The following ACAT2 variants were observed in gnomAD, a reference collection of about 807,000 sequenced individuals.
The protein encoded by ACAT2 is acetyl-CoA acetyltransferase 2, also known as acetyl-CoA acetyltransferase, cytosolic.
In ACAT2, 26 loss-of-function variants were observed where a neutral mutation model predicts 37.1. The ratio of observed to expected loss-of-function variants is 0.70; its 90% confidence interval spans 0.51 to 0.97. The LOEUF (loss-of-function observed/expected upper bound fraction) is 0.97, where lower values mean the gene tolerates loss of function less well. ACAT2 is among the 50% of genes least tolerant of loss of function. The pLI, the probability that ACAT2 is intolerant of heterozygous loss-of-function variation, is 0.00. For missense variants in ACAT2, 468 were observed against 489.0 expected (o/e 0.96, Z 0.40); for synonymous variants, 156 against 163.6 (o/e 0.95, Z 0.35).
chr6:159,767,587 C>G (rs1054361414), intron 3 of ACAT2, among the ~76,000 whole-genome samples: 2 of 152,138 alleles, frequency 1.3e-5, no homozygotes, highest in Non-Finnish European at 2.9e-5. Context: ...ACTTTTTGAC[C>G]TTTTCAGGGT....
intron 2 of ACAT2, among the ~76,000 whole-genome samples, chr6:159,763,629 C>CTTTTTTTTTTTTTTTT (rs765044833): frequency 5.2e-5 from 4 of 76,406 alleles, no homozygotes; most frequent in Non-Finnish European, 9.4e-5. Flanking sequence ...TTTTCTTTTC[C>CTTTTTTTTTTTTTTTT]TTTTTTTTTT....
intron 5 of ACAT2, 166 bp from the exon 6 acceptor site, chr6:159,775,984 A>G (rs747670889): frequency 2.9e-6 from 2 of 696,208 alleles, no homozygotes; most frequent in Non-Finnish European, 4.7e-6. Context: ...TTCATGTACA[A>G]TAATTCTTGT....
At chr6:159,766,061 G>A (rs540840352) in intron 2 of ACAT2, among the ~76,000 whole-genome samples, 4 of 152,222 alleles carry the variant, frequency 2.6e-5, no homozygotes, top group African/African-American at 9.6e-5. Flanking sequence ...GCTACTTTAA[G>A]TAAATTATGT....
intron 2 of ACAT2, among the ~76,000 whole-genome samples, chr6:159,764,858 G>A (rs969691263): frequency 2.0e-5 from 3 of 152,172 alleles, no homozygotes; most frequent in Non-Finnish European, 2.9e-5. Context: ...ATGAATAAAT[G>A]AGAGTTTAAG....
intron 2 of ACAT2, among the ~76,000 whole-genome samples, chr6:159,765,451 T>TG (rs1395392313): frequency 6.6e-6 from 1 of 150,532 alleles, no homozygotes; most frequent in African/African-American, 2.5e-5. Context: ...TTTTTTGAGA[T>TG]GGAGTCTCAC....
chr6:159,764,296 A>T lies in ACAT2; in HGVS notation c.190+1243A>T, dbSNP rs62437351. On this transcript the variant is annotated intron_variant, in intron 2 of 8. Coordinates refer to ENST00000367048, the MANE Select transcript of ACAT2 (RefSeq NM_005891.3). ...TAAGTTCCCTGCCCTCTTAGGGCTC[A>T]GTTCTGAGCTTGGAAAATAGGTGCC... is the stretch of plus-strand genomic sequence containing the variant. 5.6e-3 allele frequency among the ~76,000 whole-genome samples: 847 copies of T among 152,248 alleles called. 2 individuals are homozygous for T. The highest frequency in any genetic ancestry group is 9.9e-3 in the Admixed American group (152 of 15,296).
At position 159,777,328 on chromosome 6, in the gene ACAT2, G is replaced by A. The variant is rs759175309; in HGVS notation, c.784G>A (p.Val262Ile). The change falls in exon 7 of 9, where the codon GTT (valine) becomes ATT (isoleucine). Residue 262 changes from valine to isoleucine, a missense_variant. By Grantham distance (29) the Val-to-Ile change is conservative. Transcript: ENST00000367048. ...SGINDGAAAV[V>I]LMKKSEADKR... Reference sequence around the variant, plus strand: ...AATAAATGATGGTGCTGCAGCTGTCGTTCTTATGAAGAAGTCAGAAGCTGA... The same window carrying A: ...AATAAATGATGGTGCTGCAGCTGTCATTCTTATGAAGAAGTCAGAAGCTGA... 163 of 1,613,586 alleles carry A rather than the reference G, an allele frequency of 1.0e-4. No individual in the cohort carries two copies. The highest frequency in any genetic ancestry group is 2.3e-4 in the Admixed American group (14 of 59,850).
At chr6:159,762,737 C>G in intron 1 of ACAT2, 182 bp from the exon 2 acceptor site, 19 of 1,555,590 alleles carry the variant, frequency 1.2e-5, no homozygotes, top group Non-Finnish European at 1.6e-5. Context: ...TCGGCTGCTG[C>G]GAGTTGTGGC....
At chr6:159,770,217 T>A (rs1436719586) in intron 4 of ACAT2, among the ~76,000 whole-genome samples, 1 of 152,222 alleles carries the variant, frequency 6.6e-6, no homozygotes, top group East Asian at 1.9e-4. Context: ...CTATGTCCAG[T>A]TATGTAGCAA....
chr6:159,778,421 GTTTAAAAAA>G (rs1562480769), intron 8 of ACAT2, 141 bp downstream of exon 8: 1 of 352,222 alleles, frequency 2.8e-6, no homozygotes, highest in South Asian at 5.0e-5. Flanking sequence ...ACTTCCCAAG[GTTTAAAAAA>G]AAAAAAAAAA....
chr6:159,778,818 C>T lies in ACAT2; in HGVS notation c.1183C>T (p.Gln395Ter). 2 of 1,614,130 alleles carry T rather than the reference C, an allele frequency of 1.2e-6. No homozygotes were observed. Among genetic ancestry groups the T allele is most frequent in the Non-Finnish European group, 1.7e-6 (2 of 1,180,022 alleles). ...TGGGATGGGAATAGCAATGTGTGTT[C>T]AGAGAGAATGAATTGCTTAAACTTT... ...GGGMGIAMCVQRE is the reference protein window; with the variant it reads ...GGGMGIAMCV Residue 395 changes from glutamine to a stop codon, truncating the protein, a stop_gained, in exon 9 of 9, where the codon CAG becomes TAG. Coordinates refer to ENST00000367048, the MANE Select transcript of ACAT2 (RefSeq NM_005891.3). LOFTEE classifies it high-confidence loss of function.
At chr6:159,766,495 AG>A (rs1310961231) in intron 2 of ACAT2, among the ~76,000 whole-genome samples, 1 of 151,528 alleles carries the variant, frequency 6.6e-6, no homozygotes, top group African/African-American at 2.4e-5. Context: ...TCCGCTTCCC[AG>A]GTTCAAGCAA....
In ACAT2 at chr6:159,779,066, G is replaced by A. The variant is rs1583135990; in HGVS notation, c.*237G>A. Reference sequence around the variant, plus strand: ...CAGATCAATCATTAAGGGCTCCAGAGTGAACAGCATCTTCATAACTTCCAT... The same window carrying A: ...CAGATCAATCATTAAGGGCTCCAGAATGAACAGCATCTTCATAACTTCCAT... On this transcript the variant is annotated 3_prime_UTR_variant, in exon 9 of 9. Coordinates refer to ENST00000367048, the MANE Select transcript of ACAT2 (RefSeq NM_005891.3). 6.2e-7 allele frequency: 1 copy of A among 1,613,964 alleles called. No individual in the cohort carries two copies. The highest frequency in any genetic ancestry group is 8.5e-7 in the Non-Finnish European group (1 of 1,179,854).
rs1203709770 is a variant in ACAT2 at position 159,778,786 on chromosome 6, T to C, written c.1151T>C (p.Ile384Thr). The change falls in exon 9 of 9, where the codon ATT (isoleucine) becomes ACT (threonine). Residue 384 changes from isoleucine (I) to threonine (T), a missense_variant. Coordinates refer to ENST00000367048, the MANE Select transcript of ACAT2 (RefSeq NM_005891.3). ...GRSRGVAALCIGGGMGIAMCV... is the reference protein window; with the variant it reads ...GRSRGVAALCTGGGMGIAMCV... ...AGTCGTGGTGTTGCAGCCCTGTGCATTGGGGGTGGGATGGGAATAGCAATG... is the reference window on the plus strand; with the variant it reads ...AGTCGTGGTGTTGCAGCCCTGTGCACTGGGGGTGGGATGGGAATAGCAATG... 6.2e-7 allele frequency: 1 copy of C among 1,614,066 alleles called. No homozygotes were observed. Among genetic ancestry groups the C allele is most frequent in the Non-Finnish European group, 8.5e-7 (1 of 1,180,048 alleles).
At position 159,775,288 on chromosome 6, in the gene ACAT2, A is replaced by G. The variant is rs753812504; in HGVS notation, c.609A>G (p.Val203=). 1.2e-6 allele frequency: 2 copies of G among 1,614,174 alleles called. No homozygotes were observed. The highest frequency in any genetic ancestry group is 1.7e-6 in the Non-Finnish European group (2 of 1,180,018). The part of the protein sequence containing the change: ...QKAGHFDKEI[V]PVLVSTRKGL... ...CTGGCCATTTTGACAAAGAGATTGT[A>G]CCAGTTTTGGTGTCAACTAGAAAAG... is the stretch of plus-strand genomic sequence containing the variant. Residue 203 remains valine, a synonymous_variant, in exon 5 of 9, where the codon GTA becomes GTG. Transcript: ENST00000367048.
In ACAT2 at chr6:159,763,072, A is replaced by G. The variant is rs112280187; in HGVS notation, c.190+19A>G. The stretch of plus-strand genomic sequence containing the variant: ...GCAGCAGGTAAGTCTCAGTGATTCC[A>G]GGAGAAGTCAGGCTTATTAGAAACA... On this transcript the variant is annotated intron_variant, in intron 2 of 8. Transcript: ENST00000367048. 8.7e-6 allele frequency: 14 copies of G among 1,601,158 alleles called. No homozygotes were observed. The African/African-American group carries it at 1.2e-4, about 14-fold the overall frequency.
Position 159,779,051 on chromosome 6 carries a change from A to G in ACAT2, c.*222A>G. ...AAATAAAAGGAACATCAGATCAATC[A>G]TTAAGGGCTCCAGAGTGAACAGCAT... On this transcript the variant is annotated 3_prime_UTR_variant, in exon 9 of 9. Coordinates refer to ENST00000367048, the MANE Select transcript of ACAT2 (RefSeq NM_005891.3). 2 of 1,613,192 alleles carry G rather than the reference A, an allele frequency of 1.2e-6. No homozygotes were observed.
At chr6:159,778,458 C>T in intron 8 of ACAT2, 178 bp downstream of exon 8, 1 of 617,046 alleles carries the variant, frequency 1.6e-6, no homozygotes, top group Non-Finnish European at 2.6e-6. Context: ...AAGACATTGG[C>T]TTACTTGGCA....
Position 159,778,824 on chromosome 6 carries a change from G to C in ACAT2, c.1189G>C (p.Glu397Gln). The part of the protein sequence containing the change: ...GMGIAMCVQR[E>Q] ...GGGAATAGCAATGTGTGTTCAGAGAGAATGAATTGCTTAAACTTTGAACAA... is the reference window on the plus strand; with the variant it reads ...GGGAATAGCAATGTGTGTTCAGAGACAATGAATTGCTTAAACTTTGAACAA... The change falls in exon 9 of 9, where the codon GAA becomes CAA. Residue 397 changes from glutamate (E) to glutamine (Q), a missense_variant. Transcript: ENST00000367048. The C allele has an allele frequency of 6.2e-7, 1 of 1,614,074 alleles. No homozygotes were observed. The highest frequency in any genetic ancestry group is 8.5e-7 in the Non-Finnish European group (1 of 1,179,990).
Sources: gnomAD v4.1 joint callset for allele counts (sites outside exome capture counted in the v4.1 genomes callset) on GRCh38, gnomAD v4.1.1 for gene constraint, MANE v1.5 for transcripts, NCBI Gene and HGNC (gene_info 2026-07-23, HGNC 2026-07-21) for gene names.